Variants in SETDB2 observed in about 807,000 individuals in gnomAD.
SETDB2 encodes SET domain bifurcated histone lysine methyltransferase 2, also known as histone-lysine N-methyltransferase SETDB2.
A neutral mutation model predicts 82.5 loss-of-function variants in SETDB2; 56 were observed. The observed-to-expected ratio is 0.68, with a 90% confidence interval of 0.55 to 0.85. SETDB2 has a LOEUF of 0.85. SETDB2 is among the 40% of genes least tolerant of loss of function. The pLI is 0.00. For missense variants in SETDB2, 677 were observed against 816.4 expected, an observed-to-expected ratio of 0.83 and a Z score of 2.08; for synonymous variants, 272 against 284.9, an observed-to-expected ratio of 0.95 and a Z score of 0.46.
chr13:49,471,420 CTTTT>C (rs200346844), intron 5 of SETDB2, among the ~76,000 whole-genome samples: 22 of 132,726 alleles, frequency 1.7e-4, no homozygotes, highest in African/African-American at 1.7e-4. Flanking sequence ...TCTGAATTCC[CTTTT>C]TTTTTTTTTT....
At chr13:49,457,312 A>T (rs1444566348) in intron 2 of SETDB2, among the ~76,000 whole-genome samples, 1 of 150,416 alleles carries the variant, frequency 6.6e-6, no homozygotes, top group Non-Finnish European at 1.5e-5. Flanking sequence ...ACTCATTTTA[A>T]GTATTTCCTA....
intron 4 of SETDB2, 130 bp downstream of exon 4, chr13:49,461,292 A>C: frequency 1.6e-6 from 1 of 613,490 alleles, no homozygotes; most frequent in South Asian, 3.4e-5. Context: ...TTTCTAAGTT[A>C]CATAAATCAC....
chr13:49,450,637 C>T (rs1957767542), intron 1 of SETDB2, among the ~76,000 whole-genome samples: 1 of 152,102 alleles, frequency 6.6e-6, no homozygotes, highest in South Asian at 2.1e-4. Flanking sequence ...CCCAGAAGGG[C>T]CTTACTGACT....
At chr13:49,467,349 C>T (rs1958136881) in intron 4 of SETDB2, among the ~76,000 whole-genome samples, 1 of 151,998 alleles carries the variant, frequency 6.6e-6, no homozygotes, top group Admixed American at 6.6e-5. Context: ...GAGCCAAGAT[C>T]ATACCACTGC....
At chr13:49,480,858 C>T (rs1958463532) in intron 7 of SETDB2, 89 bp from the exon 8 acceptor site, 1 of 1,385,770 alleles carries the variant, frequency 7.2e-7, no homozygotes, top group Non-Finnish European at 1.0e-6. Context: ...ATTTAGCCTG[C>T]TTCCCTCAGT....
chr13:49,464,560 G>A (rs965938661), intron 4 of SETDB2, among the ~76,000 whole-genome samples: 14 of 151,962 alleles, frequency 9.2e-5, no homozygotes, highest in African/African-American at 3.4e-4. Flanking sequence ...TTTGTTTGGG[G>A]TCTTTTAAGG....
At position 49,480,315 on chromosome 13, in the gene SETDB2, A is replaced by G. The variant is rs1017293684; in HGVS notation, c.966A>G (p.Leu322=). 6.2e-7 allele frequency: 1 copy of G among 1,602,118 alleles called. No individual in the cohort carries two copies. Among genetic ancestry groups the G allele is most frequent in the Admixed American group, 1.8e-5 (1 of 56,992 alleles). Residue 322 remains leucine (L), a synonymous_variant, in exon 7 of 14, where the codon CTA becomes CTG. Coordinates refer to ENST00000611815, the MANE Select transcript of SETDB2 (RefSeq NM_001160308.3). ...CCACTGGATATAAATATAAAAGACT[A>G]CAGAGACAGATTCCTACTGGGTAAG... ...KITTGYKYKR[L]QRQIPTGIYE... is the part of the protein sequence containing the mutation.
At chr13:49,450,429 G>T (rs1316780230) in intron 1 of SETDB2, among the ~76,000 whole-genome samples, 1 of 151,938 alleles carries the variant, frequency 6.6e-6, no homozygotes, top group Admixed American at 6.6e-5. Flanking sequence ...TAGCTAACTG[G>T]CTTTTTTTCA....
At chr13:49,453,294 C>CT (rs1566154765) in intron 2 of SETDB2, among the ~76,000 whole-genome samples, 1 of 148,974 alleles carries the variant, frequency 6.7e-6, no homozygotes, top group Non-Finnish European at 1.5e-5. Flanking sequence ...TCAGTTGGCT[C>CT]TTTTTTTTCT....
At chr13:49,464,711 G>A (rs1958066647) in intron 4 of SETDB2, among the ~76,000 whole-genome samples, 1 of 152,124 alleles carries the variant, frequency 6.6e-6, no homozygotes, top group Non-Finnish European at 1.5e-5. Context: ...AACAGTTGGG[G>A]AGAGTTATGT....
At chr13:49,448,860 CTG>C (rs1957738591) in intron 1 of SETDB2, among the ~76,000 whole-genome samples, 1 of 152,146 alleles carries the variant, frequency 6.6e-6, no homozygotes, top group African/African-American at 2.4e-5. Flanking sequence ...AATTGTGGAT[CTG>C]TGCATTTTCC....
chr13:49,474,090 T>C (rs1206096322), intron 5 of SETDB2, among the ~76,000 whole-genome samples: 2 of 152,154 alleles, frequency 1.3e-5, no homozygotes, highest in Non-Finnish European at 2.9e-5. Context: ...GGCAAAACCC[T>C]GTCTGTACTA....
chr13:49,465,599 C>T (rs960808462), intron 4 of SETDB2, among the ~76,000 whole-genome samples: 11 of 151,806 alleles, frequency 7.2e-5, no homozygotes, highest in African/African-American at 1.2e-4. Flanking sequence ...TACAATGGCA[C>T]GATCTTTGCT....
chr13:49,452,322 AG>A (rs1442526524), intron 2 of SETDB2, among the ~76,000 whole-genome samples: 2 of 152,098 alleles, frequency 1.3e-5, no homozygotes, highest in African/African-American at 4.8e-5. Flanking sequence ...CATGTTGGTC[AG>A]GCTGGTCTCA....
intron 1 of SETDB2, among the ~76,000 whole-genome samples, chr13:49,447,179 T>G (rs1436310175): frequency 1.3e-5 from 2 of 152,176 alleles, no homozygotes; most frequent in Non-Finnish European, 2.9e-5. Context: ...AAAAACATGT[T>G]TAAGTTCTTT....
chr13:49,494,874 C>CT lies in SETDB2; in HGVS notation c.*3031dup, dbSNP rs975294674. ...CAGCAAACCACCAACTATTATATGT[C>CT]TTTTTTCCAGAACAACTTATTTTTT... On this transcript the variant is annotated 3_prime_UTR_variant, in exon 14 of 14. Coordinates refer to ENST00000611815, the MANE Select transcript of SETDB2 (RefSeq NM_001160308.3). 6.6e-6 allele frequency: 1 copy of CT among 152,054 alleles called. No individual in the cohort carries two copies. The highest frequency in any genetic ancestry group is 2.4e-5 in the African/African-American group (1 of 41,400). 9.4% of individuals were successfully genotyped at this position (152,054 alleles called of 1,614,324 possible).
rs774916000 is a variant in SETDB2 at position 49,460,264 on chromosome 13, A to G, written c.142+32A>G. The G allele has an allele frequency of 3.1e-6, 5 of 1,598,812 alleles. No homozygotes were observed. In the Admixed American group the frequency reaches 8.7e-5, roughly 28 times the overall value. ...AGCAATAAAAACTTTGAATATGTTT[A>G]ATACTAAATATTTCTCTCTGACAGT... On this transcript the variant is annotated intron_variant, in intron 3 of 13. Coordinates refer to ENST00000611815, the MANE Select transcript of SETDB2 (RefSeq NM_001160308.3).
rs564160527 is a variant in SETDB2 at position 49,479,234 on chromosome 13, G to A, written c.870-985G>A. Among the ~76,000 whole-genome samples, 257 of 151,418 alleles carry A rather than the reference G, an allele frequency of 1.7e-3. 1 individual carries two copies. Among genetic ancestry groups the A allele is most frequent in the African/African-American group, 5.6e-3 (233 of 41,270 alleles). On this transcript the variant is annotated intron_variant, in intron 6 of 13. Transcript: ENST00000611815. Reference sequence around the variant, plus strand: ...TTTAAGAAGACCATATATATGTGGTGTATATGTGGTGTGTATATTTTGAAT... The same window carrying A: ...TTTAAGAAGACCATATATATGTGGTATATATGTGGTGTGTATATTTTGAAT...
At chr13:49,490,552 CAA>C (rs1361489269) in intron 12 of SETDB2, among the ~76,000 whole-genome samples, 9 of 152,086 alleles carry the variant, frequency 5.9e-5, no homozygotes. Flanking sequence ...AATCAAAAGA[CAA>C]ATGCATTTAT....
Sources: allele counts gnomAD v4.1 joint callset (sites outside exome capture counted in the v4.1 genomes callset), GRCh38; gene constraint gnomAD v4.1.1; transcripts MANE v1.5; gene names NCBI Gene and HGNC (gene_info 2026-07-23, HGNC 2026-07-21).